PHF24: variants seen among roughly 807,000 people sequenced by gnomAD.
PHF24 encodes PHD finger protein 24, also known as Galpha inhibitory interacting protein.
Under a neutral mutation model 42.6 loss-of-function variants are expected in PHF24, and 25 were observed. The observed-to-expected ratio is 0.59, with a 90% CI of 0.43 to 0.82. The LOEUF (loss-of-function observed/expected upper bound fraction) is 0.82. PHF24 is among the 40% of genes least tolerant of loss of function. PHF24 has a pLI of 0.00. For missense variants in PHF24, 470 were observed against 538.1 expected, an observed-to-expected ratio of 0.87 and a Z score of 1.25; for synonymous variants, 185 against 204.8, an observed-to-expected ratio of 0.90 and a Z score of 0.83.
the PHF24 span, among the ~76,000 whole-genome samples, chr9:34,943,436 G>A: frequency 2.0e-5 from 3 of 152,112 alleles, no homozygotes; most frequent in Non-Finnish European, 4.4e-5. Flanking sequence ...AAACTAAGCA[G>A]GTCCACTCTG....
the PHF24 span, among the ~76,000 whole-genome samples, chr9:34,825,137 A>G: frequency 6.6e-6 from 1 of 151,906 alleles, no homozygotes; most frequent in East Asian, 1.9e-4. Flanking sequence ...GATAACGTGG[A>G]CTAAGTGTGT....
chr9:34,760,301 T>G, the PHF24 span, among the ~76,000 whole-genome samples: 1 of 152,216 alleles, frequency 6.6e-6, no homozygotes, highest in African/African-American at 2.4e-5. Flanking sequence ...ATGAGTCCTA[T>G]CGCCTTGTAA....
the PHF24 span, among the ~76,000 whole-genome samples, chr9:34,854,365 C>T: frequency 1.3e-5 from 2 of 151,674 alleles, no homozygotes; most frequent in Non-Finnish European, 2.9e-5. Context: ...AGTTGTTATG[C>T]TAGGTTGTTG....
chr9:34,775,452 A>G, the PHF24 span, among the ~76,000 whole-genome samples: 1 of 152,164 alleles, frequency 6.6e-6, no homozygotes, highest in African/African-American at 2.4e-5. Context: ...AAATTTCTGG[A>G]TATGGATGGT....
the PHF24 span, among the ~76,000 whole-genome samples, chr9:34,878,811 A>G: frequency 6.6e-6 from 1 of 152,216 alleles, no homozygotes; most frequent in Non-Finnish European, 1.5e-5. Flanking sequence ...GAATAAAAGG[A>G]GCAGAAACTT....
chr9:34,969,640 C>CAA (rs397959655), intron 1 of PHF24, among the ~76,000 whole-genome samples: 43 of 124,146 alleles, frequency 3.5e-4, no homozygotes, highest in Middle Eastern at 6.0e-3. Context: ...GACTCTGTCT[C>CAA]AAAAAAAAAA....
chr9:34,919,752 G>A, the PHF24 span, among the ~76,000 whole-genome samples: 2 of 144,912 alleles, frequency 1.4e-5, no homozygotes, highest in African/African-American at 5.1e-5. Context: ...CTATATCTAT[G>A]AGTTCAATTA....
At chr9:34,766,701 G>A in the PHF24 span, among the ~76,000 whole-genome samples, 5 of 152,310 alleles carry the variant, frequency 3.3e-5, no homozygotes, top group East Asian at 5.8e-4. Context: ...CTCTCAACTC[G>A]TCAAAGTCAT....
At chr9:34,818,597 T>G in the PHF24 span, among the ~76,000 whole-genome samples, 4 of 152,200 alleles carry the variant, frequency 2.6e-5, no homozygotes, top group Admixed American at 2.6e-4. Context: ...TCTTAAGAAG[T>G]TAGTGTCTTT....
the PHF24 span, among the ~76,000 whole-genome samples, chr9:34,878,990 G>A: frequency 3.2e-3 from 483 of 152,282 alleles, 3 homozygotes; most frequent in Middle Eastern, 0.01. Context: ...ATACAGCCAG[G>A]TGCCCTTTGA....
chr9:34,828,193 A>C, the PHF24 span, among the ~76,000 whole-genome samples: 1 of 151,744 alleles, frequency 6.6e-6, no homozygotes, highest in South Asian at 2.1e-4. Flanking sequence ...ACACTCTCTT[A>C]TATGTAAAAG....
At chr9:34,705,155 G>A in the PHF24 span, among the ~76,000 whole-genome samples, 25 of 151,718 alleles carry the variant, frequency 1.6e-4, no homozygotes, top group Admixed American at 2.6e-4. Context: ...CTGTATTCAC[G>A]AATAAGACAT....
chr9:34,853,947 A>C, the PHF24 span, among the ~76,000 whole-genome samples: 2 of 152,086 alleles, frequency 1.3e-5, no homozygotes, highest in South Asian at 4.2e-4. Flanking sequence ...TACTGCCTCA[A>C]TTTTAGAACT....
At position 34,976,573 on chromosome 9, in the gene PHF24, C is replaced by T. The variant is rs61741776; in HGVS notation, c.682C>T (p.His228Tyr). ...ACTGGAGGACTTTCTGCGTTACCGC[C>T]ACCAAGCAGCCAAGCGGGGGGACCG... is the stretch of plus-strand genomic sequence containing the variant. The change falls in exon 5 of 8, where the codon CAC becomes TAC. Residue 228 changes from histidine to tyrosine, a missense_variant. By Grantham distance (83) the His-to-Tyr change is moderately conservative. Coordinates refer to ENST00000242315, the Ensembl canonical transcript of PHF24. The T allele has an allele frequency of 4.8e-4, 775 of 1,614,092 alleles. 4 individuals carry two copies. In the African/African-American group the frequency reaches 8.4e-3, roughly 17 times the overall value.
At chr9:34,682,666 C>T in the PHF24 span, among the ~76,000 whole-genome samples, 1 of 152,116 alleles carries the variant, frequency 6.6e-6, no homozygotes, top group Non-Finnish European at 1.5e-5. Flanking sequence ...TACTGGTAGA[C>T]TTTGCTTTCC....
At chr9:34,713,455 A>G in the PHF24 span, among the ~76,000 whole-genome samples, 8 of 152,188 alleles carry the variant, frequency 5.3e-5, no homozygotes, top group South Asian at 6.2e-4. Context: ...TGCATGCATT[A>G]TGCTCTCTTC....
chr9:34,696,926 T>A, the PHF24 span, among the ~76,000 whole-genome samples: 9 of 152,110 alleles, frequency 5.9e-5, no homozygotes, highest in African/African-American at 1.9e-4. Context: ...ATCCTAACAT[T>A]GTCTGGACAG....
chr9:34,676,820 A>G, the PHF24 span, among the ~76,000 whole-genome samples: 1 of 152,150 alleles, frequency 6.6e-6, no homozygotes, highest in Non-Finnish European at 1.5e-5. Context: ...GGAGCAAGAG[A>G]GAAACAGAGG....
the PHF24 span, chr9:34,918,168 GAGA>G: frequency 6.7e-7 from 1 of 1,488,878 alleles, no homozygotes; most frequent in African/African-American, 1.4e-5. Context: ...TGTCGGCCAG[GAGA>G]AGAAGGGTTA....
Sources: gnomAD v4.1 joint callset for allele counts (sites outside exome capture counted in the v4.1 genomes callset) on GRCh38, gnomAD v4.1.1 for gene constraint, MANE v1.5 for transcripts, NCBI Gene and HGNC (gene_info 2026-07-23, HGNC 2026-07-21) for gene names.